Variants in RBFOX1 observed in about 807,000 individuals in gnomAD.
The protein encoded by RBFOX1 is RNA binding fox-1 homolog 1.
RBFOX1 carries 8 observed loss-of-function variants against 57.7 expected under a neutral mutation model. The ratio of observed to expected loss-of-function variants is 0.14; its 90% confidence interval spans 0.08 to 0.25. The LOEUF is 0.25. Among genes scored for constraint, RBFOX1 ranks in the 10% least tolerant of loss-of-function variants. RBFOX1 has a pLI of 1.00. For missense variants in RBFOX1, 611 were observed against 548.5 expected (o/e 1.11, Z -1.14); for synonymous variants, 326 against 222.4 (o/e 1.47, Z -4.15).
chr16:7,116,028 G>A lies in RBFOX1; in HGVS notation c.27+63930G>A, dbSNP rs146743045. Among the ~76,000 whole-genome samples, 435 of 152,238 alleles carry A rather than the reference G, an allele frequency of 2.9e-3. 1 individual carries two copies. Among genetic ancestry groups the A allele is most frequent in the African/African-American group, 9.9e-3 (410 of 41,536 alleles). Reference sequence around the variant, plus strand: ...ATTGTGCCAGGCACTGTACTAAGTGGCCATGTGCCCTTTCTCATTTGGTTT... The same window carrying A: ...ATTGTGCCAGGCACTGTACTAAGTGACCATGTGCCCTTTCTCATTTGGTTT... On this transcript the variant is annotated intron_variant, in intron 4 of 15. Transcript: ENST00000550418.
chr16:5,407,768 C>G (rs549713916), intron 1 of RBFOX1, among the ~76,000 whole-genome samples: 2 of 152,112 alleles, frequency 1.3e-5, no homozygotes, highest in Non-Finnish European at 2.9e-5. Flanking sequence ...AGGCTGGTCT[C>G]GAACTCCTGA....
At chr16:6,505,464 A>C (rs982004417) in intron 2 of RBFOX1, among the ~76,000 whole-genome samples, 32 of 152,224 alleles carry the variant, frequency 2.1e-4, no homozygotes, top group African/African-American at 7.7e-4. Flanking sequence ...GGAAATCCCA[A>C]ATAAAATCAG....
chr16:5,965,128 C>T (rs2059818640), intron 4 of RBFOX1, among the ~76,000 whole-genome samples: 1 of 152,054 alleles, frequency 6.6e-6, no homozygotes, highest in Non-Finnish European at 1.5e-5. Context: ...TTACTCAGAG[C>T]TGGACGGTGG....
intron 3 of RBFOX1, among the ~76,000 whole-genome samples, chr16:6,852,057 C>A (rs983410247): frequency 1.3e-5 from 2 of 151,810 alleles, no homozygotes; most frequent in African/African-American, 4.8e-5. Flanking sequence ...TCTTGAGTAG[C>A]TGAGACTACA....
intron 2 of RBFOX1, among the ~76,000 whole-genome samples, chr16:5,502,058 A>G (rs1168390969): frequency 1.3e-5 from 2 of 151,092 alleles, no homozygotes; most frequent in Non-Finnish European, 2.9e-5. Context: ...ATTAATTGTT[A>G]TGATTACTGA....
chr16:7,403,881 A>G (rs1455142888), intron 4 of RBFOX1, among the ~76,000 whole-genome samples: 1 of 151,070 alleles, frequency 6.6e-6, no homozygotes. Context: ...ATATTCTAGT[A>G]CGTACATAAA....
intron 3 of RBFOX1, among the ~76,000 whole-genome samples, chr16:6,846,640 A>C (rs924216063): frequency 3.3e-5 from 5 of 152,202 alleles, no homozygotes; most frequent in African/African-American, 4.8e-5. Context: ...TTGGGAAAAC[A>C]GTTGAGCATC....
chr16:5,769,068 G>A (rs1471327004), intron 3 of RBFOX1, among the ~76,000 whole-genome samples: 1 of 151,250 alleles, frequency 6.6e-6, no homozygotes, highest in Non-Finnish European at 1.5e-5. Flanking sequence ...CTACCAACAG[G>A]TCAAAAAGAA....
chr16:7,534,587 G>A (rs1216482548), intron 5 of RBFOX1, among the ~76,000 whole-genome samples: 1 of 152,146 alleles, frequency 6.6e-6, no homozygotes, highest in African/African-American at 2.4e-5. Flanking sequence ...TCAGTTTTGG[G>A]TAAAGTCGTT....
chr16:5,566,092 C>A (rs149818284), intron 2 of RBFOX1, among the ~76,000 whole-genome samples: 2,181 of 152,162 alleles, frequency 0.014, 64 homozygotes, highest in African/African-American at 0.05. Flanking sequence ...TATGAGGCCT[C>A]CCCAGCCATG....
At chr16:6,966,002 T>TG (rs1568124607) in intron 3 of RBFOX1, among the ~76,000 whole-genome samples, 1 of 152,242 alleles carries the variant, frequency 6.6e-6, no homozygotes, top group Admixed American at 6.5e-5. Flanking sequence ...ATGCTCAAAA[T>TG]GGAGCGTATC....
At chr16:6,093,662 C>T (rs898937905) in intron 1 of RBFOX1, among the ~76,000 whole-genome samples, 22 of 152,006 alleles carry the variant, frequency 1.4e-4, no homozygotes, top group African/African-American at 5.3e-4. Context: ...CACTCTGTCA[C>T]CCAGGCTAGA....
chr16:5,774,204 G>T (rs945977139), intron 3 of RBFOX1, among the ~76,000 whole-genome samples: 1 of 152,196 alleles, frequency 6.6e-6, no homozygotes, highest in African/African-American at 2.4e-5. Flanking sequence ...CAGAATGGGG[G>T]ATTTGGGCAA....
rs182018342 is a variant in RBFOX1 at position 7,203,678 on chromosome 16, C to T, written c.27+151580C>T. 9.2e-4 allele frequency among the ~76,000 whole-genome samples: 140 copies of T among 152,246 alleles called. 2 individuals carry two copies. Among genetic ancestry groups the T allele is most frequent in the African/African-American group, 3.3e-3 (138 of 41,546 alleles). ...GATAGGGTCCCTCTATGTGTGAGCC[C>T]TAGTCCACATTTTGGTTAATACATG... On this transcript the variant is annotated intron_variant, in intron 4 of 15. Coordinates refer to ENST00000550418, the MANE Select transcript of RBFOX1 (RefSeq NM_018723.4).
intron 2 of RBFOX1, among the ~76,000 whole-genome samples, chr16:5,552,364 G>A (rs1254426841): frequency 1.3e-5 from 2 of 152,114 alleles, no homozygotes; most frequent in Non-Finnish European, 2.9e-5. Context: ...CACAATTATT[G>A]AGCTCTTCAA....
chr16:6,995,360 G>T (rs1289279512), intron 3 of RBFOX1, among the ~76,000 whole-genome samples: 2 of 147,502 alleles, frequency 1.4e-5, no homozygotes, highest in African/African-American at 5.0e-5. Flanking sequence ...TTTGTATGTG[G>T]CCAACTTGGG....
At chr16:6,776,446 CA>C (rs869161421) in intron 3 of RBFOX1, among the ~76,000 whole-genome samples, 2 of 126,694 alleles carry the variant, frequency 1.6e-5, no homozygotes, top group African/African-American at 5.5e-5. Context: ...AACAAACAAA[CA>C]AAAAAACATC....
chr16:6,332,817 G>C lies in RBFOX1; in HGVS notation c.-64+15760G>C, dbSNP rs180836283. On this transcript the variant is annotated intron_variant, in intron 2 of 15. Transcript: ENST00000550418. Reference sequence around the variant, plus strand: ...CATAAACCATGCCGTGGACTAGAAGGGTAGATGAAAGGTGTTGGAAAAATG... The same window carrying C: ...CATAAACCATGCCGTGGACTAGAAGCGTAGATGAAAGGTGTTGGAAAAATG... 3.3e-3 allele frequency among the ~76,000 whole-genome samples: 497 copies of C among 152,206 alleles called. 19 individuals are homozygous for C. Among genetic ancestry groups the C allele is most frequent in the Admixed American group, 0.031 (471 of 15,274 alleles).
chr16:7,166,234 G>A (rs1034501821), intron 4 of RBFOX1, among the ~76,000 whole-genome samples: 2 of 151,288 alleles, frequency 1.3e-5, no homozygotes, highest in Non-Finnish European at 2.9e-5. Context: ...GGCTGGTCTC[G>A]AATTCCTATC....
Sources: allele counts gnomAD v4.1 joint callset (sites outside exome capture counted in the v4.1 genomes callset), GRCh38; gene constraint gnomAD v4.1.1; transcripts MANE v1.5; gene names NCBI Gene and HGNC (gene_info 2026-07-23, HGNC 2026-07-21).